ZNF594: variants seen among roughly 807,000 people sequenced by gnomAD.
ZNF594 encodes zinc finger protein 594.
For missense variants in ZNF594, 1,037 were observed against 964.6 expected (o/e 1.08, Z -0.99); for synonymous variants, 336 against 309.4 (o/e 1.09, Z -0.90).
chr17:5,175,664 T>C (rs1234467656), downstream of ZNF594, among the ~76,000 whole-genome samples: 1 of 152,116 alleles, frequency 6.6e-6, no homozygotes, highest in Non-Finnish European at 1.5e-5. Context: ...ACAGTCATTT[T>C]TGTGCAGATC....
Position 5,184,287 on chromosome 17 carries a change from AAGT to A in ZNF594, c.-20-14_-20-12del. ...TCCTGTCTTCAGAATCTGAAATGAT[AAGT>A]AGATCATTCTATAATTCCTAAAATA... On this transcript the variant is annotated splice_polypyrimidine_tract_variant and intron_variant, in intron 1 of 1. Coordinates refer to ENST00000575779, the MANE Select transcript of ZNF594 (RefSeq NM_032530.2). 6.3e-7 allele frequency: 1 copy of A among 1,587,878 alleles called. No individual in the cohort carries two copies. Among genetic ancestry groups the A allele is most frequent in the South Asian group, 1.2e-5 (1 of 86,820 alleles).
In ZNF594 at chr17:5,182,507, T is replaced by C. The variant is rs1351249462; in HGVS notation, c.1750A>G (p.Ile584Val). 1 of 1,614,140 alleles carries C rather than the reference T, an allele frequency of 6.2e-7. No individual in the cohort carries two copies. Among genetic ancestry groups the C allele is most frequent in the Non-Finnish European group, 8.5e-7 (1 of 1,180,018 alleles). Residue 584 changes from isoleucine to valine, a missense_variant, in exon 2 of 2, where the codon ATC becomes GTC. Ile to Val is a conservative substitution (Grantham distance 29). Transcript: ENST00000575779. ...CTTGTATGAGTTACCTGATGTCTGA[T>C]GAGGTCTGAGCTGCCCTGGAAAGCC... ...GRAFQGSSDL[I>V]RHQVTHTREK...
In ZNF594 at chr17:5,183,837, TGAA is replaced by T; in HGVS notation, c.417_419del (p.Ser139_Ser140delinsArg). 1 of 1,614,048 alleles carries T rather than the reference TGAA, an allele frequency of 6.2e-7. No homozygotes were observed. Among genetic ancestry groups the T allele is most frequent in the South Asian group, 1.1e-5 (1 of 91,030 alleles). On this transcript the variant is annotated inframe_deletion, in exon 2 of 2. Transcript: ENST00000575779. ...GAATTCTCTGATGTATGATCAGGTT[TGAA>T]CTCCTGTTGAAGGTTTTTTCACATT...
rs2074353906 is a variant in ZNF594, at chr17:5,182,698, T to C, written c.1559A>G (p.Glu520Gly). Reference protein sequence around the residue: ...HSGEKPYECKECGKLFIWRTA... With the variant: ...HSGEKPYECKGCGKLFIWRTA... ...GCGCCAAATGAAGAGCTTCCCACAT[T>C]CCTTACATTCATAGGGTTTCTCACC... is the stretch of plus-strand genomic sequence containing the variant. The change falls in exon 2 of 2, where the codon GAA (glutamate) becomes GGA (glycine). Residue 520 changes from glutamate (E) to glycine (G), a missense_variant. Glu to Gly is a moderately conservative substitution (Grantham distance 98). Transcript: ENST00000575779. The C allele has an allele frequency of 6.2e-7, 1 of 1,613,848 alleles. No individual in the cohort carries two copies. The highest frequency in any genetic ancestry group is 1.1e-5 in the South Asian group (1 of 91,064).
In ZNF594 at chr17:5,179,764, A is replaced by C. The variant is rs1052677931; in HGVS notation, c.*2069T>G. Reference sequence around the variant, plus strand: ...AATAAAAAGACTAATGAAAATGGTAAATTATTTGCTTTGGGCTGGAATTTT... The same window carrying C: ...AATAAAAAGACTAATGAAAATGGTACATTATTTGCTTTGGGCTGGAATTTT... On this transcript the variant is annotated 3_prime_UTR_variant, in exon 2 of 2. Transcript: ENST00000575779. 1.3e-5 allele frequency: 2 copies of C among 152,096 alleles called. No homozygotes were observed. The highest frequency in any genetic ancestry group is 4.8e-5 in the African/African-American group (2 of 41,420). 9.4% of individuals were successfully genotyped at this position (152,096 alleles called of 1,614,324 possible). A position where few individuals can be genotyped will look rare whatever the true frequency, so the allele number is the denominator to read the frequency against.
In ZNF594 at chr17:5,181,038, G is replaced by T; in HGVS notation, c.*795C>A. 1 of 1,022,628 alleles carries T rather than the reference G, an allele frequency of 9.8e-7. No individual in the cohort carries two copies. The highest frequency in any genetic ancestry group is 1.5e-6 in the Non-Finnish European group (1 of 660,808). The allele number at this position is 1,022,628 out of a possible 1,614,324, so 63.3% of individuals were successfully genotyped here. On this transcript the variant is annotated 3_prime_UTR_variant, in exon 2 of 2. Coordinates refer to ENST00000575779, the MANE Select transcript of ZNF594 (RefSeq NM_032530.2). ...AAGAAAAGCTGTCCACCCACTGAAG[G>T]CCTTACCACAGTTGCTACATTCAAA...
rs959596498 is a variant in ZNF594, at chr17:5,180,947, A to T, written c.*886T>A. The T allele has an allele frequency of 4.4e-6, 3 of 685,552 alleles. No homozygotes were observed. The Admixed American group carries it at 6.1e-5, about 14-fold the overall frequency. The allele number at this position is 685,552 out of a possible 1,614,324, so 42.5% of individuals were successfully genotyped here. ...TCATTAGGTTTCTGCTACCTATTAG[A>T]ATAGGTCCTGTTTGTAGACTCTTAC... On this transcript the variant is annotated 3_prime_UTR_variant, in exon 2 of 2. Coordinates refer to ENST00000575779, the MANE Select transcript of ZNF594 (RefSeq NM_032530.2).
chr17:5,187,940 C>T (rs2074396516), intron 1 of ZNF594, among the ~76,000 whole-genome samples: 1 of 135,470 alleles, frequency 7.4e-6, no homozygotes, highest in Admixed American at 8.1e-5. Flanking sequence ...CCAGGCTGGT[C>T]TCACACTCCT....
intron 1 of ZNF594, chr17:5,184,507 G>T (rs1242847320): frequency 4.5e-6 from 2 of 446,212 alleles, no homozygotes; most frequent in East Asian, 7.7e-5. Flanking sequence ...CTGTGGGAGT[G>T]GCCTAAAGGG....
rs779905759 is a variant in ZNF594 at position 5,182,785 on chromosome 17, G to C, written c.1472C>G (p.Thr491Ser). Residue 491 changes from threonine (T) to serine (S), a missense_variant, in exon 2 of 2, where the codon ACT becomes AGT. Coordinates refer to ENST00000575779, the MANE Select transcript of ZNF594 (RefSeq NM_032530.2). ...CCGCCTGAAGGCTTTCCCACATTCA[G>C]TGCACTGATAGGGCTTCTCTCCAGT... ...IHTGEKPYQC[T>S]ECGKAFRRRS... The C allele has an allele frequency of 1.2e-6, 2 of 1,613,722 alleles. No individual in the cohort carries two copies. Among genetic ancestry groups the C allele is most frequent in the South Asian group, 1.1e-5 (1 of 91,032 alleles).
In ZNF594 at chr17:5,181,500, T is replaced by C. The variant is rs769161614; in HGVS notation, c.*333A>G. 1.2e-6 allele frequency: 2 copies of C among 1,613,900 alleles called. No homozygotes were observed. The highest frequency in any genetic ancestry group is 2.2e-5 in the South Asian group (2 of 91,056). ...AAGTTTCTCTCCAGCATGCAGTCTC[T>C]GATGTTTGAGGAAAGCTGTGTGCCA... On this transcript the variant is annotated 3_prime_UTR_variant, in exon 2 of 2. Transcript: ENST00000575779.
In ZNF594 at chr17:5,182,780, A is replaced by G; in HGVS notation, c.1477T>C (p.Cys493Arg). The part of the protein sequence containing the change: ...TGEKPYQCTE[C>R]GKAFRRRSLL... Reference sequence around the variant, plus strand: ...GAACGCCGCCTGAAGGCTTTCCCACATTCAGTGCACTGATAGGGCTTCTCT... The same window carrying G: ...GAACGCCGCCTGAAGGCTTTCCCACGTTCAGTGCACTGATAGGGCTTCTCT... Residue 493 changes from cysteine to arginine, a missense_variant, in exon 2 of 2, where the codon TGT becomes CGT. Cys to Arg is a radical substitution (Grantham distance 180). Transcript: ENST00000575779. 1 of 1,614,126 alleles carries G rather than the reference A, an allele frequency of 6.2e-7. No homozygotes were observed.
In ZNF594 at chr17:5,183,979, G is replaced by GA; in HGVS notation, c.277dup (p.Ser93PhefsTer8). The stretch of plus-strand genomic sequence containing the variant: ...ATATCTATGGGAGCTTTCTCCTGCA[G>GA]AAAGTATTTTTTCTCCTTCATTACA... On this transcript the variant is annotated frameshift_variant, in exon 2 of 2. Transcript: ENST00000575779. LOFTEE classifies it low-confidence loss of function (END_TRUNC). The GA allele has an allele frequency of 6.2e-7, 1 of 1,614,094 alleles. No homozygotes were observed. The highest frequency in any genetic ancestry group is 8.5e-7 in the Non-Finnish European group (1 of 1,180,030).
intron 1 of ZNF594, among the ~76,000 whole-genome samples, chr17:5,187,565 G>A (rs2074393472): frequency 6.6e-6 from 1 of 152,276 alleles, no homozygotes; most frequent in Non-Finnish European, 1.5e-5. Context: ...ATGGCACAGT[G>A]ATTAACAGCA....
Position 5,182,423 on chromosome 17 carries a change from G to C in ZNF594, c.1834C>G (p.Leu612Val), listed in dbSNP as rs1444540273. ...GKTFNQSSDL[L>V]RHHRIHSGEK... is the part of the protein sequence containing the mutation. ...CCACTGTGAATTCTATGATGTCTCA[G>C]AAGGTCTGAGCTCTGATTGAAAGTT... is the stretch of plus-strand genomic sequence containing the variant. Residue 612 changes from leucine (L) to valine (V), a missense_variant, in exon 2 of 2, where the codon CTG (leucine) becomes GTG (valine). Transcript: ENST00000575779. 6.2e-7 allele frequency: 1 copy of C among 1,613,540 alleles called. No individual in the cohort carries two copies. The highest frequency in any genetic ancestry group is 8.5e-7 in the Non-Finnish European group (1 of 1,179,976).
downstream of ZNF594, chr17:5,174,961 C>T (rs1476419967): frequency 1.1e-5 from 2 of 188,504 alleles, no homozygotes; most frequent in African/African-American, 2.3e-5. Context: ...TAACTATTAT[C>T]CAAACAAATT....
downstream of ZNF594, among the ~76,000 whole-genome samples, chr17:5,177,886 A>G (rs2074316528): frequency 6.6e-6 from 1 of 152,148 alleles, no homozygotes; most frequent in Non-Finnish European, 1.5e-5. Flanking sequence ...CAGAAATAAC[A>G]TAAAACAAGA....
intron 1 of ZNF594, chr17:5,191,352 TCCTGTGGCTTAGTCTAGCCTC>T (rs2074422992): frequency 6.6e-6 from 1 of 152,210 alleles, no homozygotes; most frequent in Admixed American, 6.5e-5. Context: ...TACAGTTCAT[TCCTGTGGCTTAGTCTAGCCTC>T]CCCAGCGGGG....
Position 5,184,240 on chromosome 17 carries a change from G to T in ZNF594, c.17C>A (p.Ser6Ter). The part of the protein sequence containing the change: MKEWK[S>*]KMEISEEKKS... ...CTTTTCTTCAGAAATTTCCATCTTT[G>T]ATTTCCATTCCTTCATCTTATTCCT... Residue 6 changes from serine (S) to a stop codon, truncating the protein, a stop_gained, in exon 2 of 2, where the codon TCA (serine) becomes TAA (stop). Coordinates refer to ENST00000575779, the MANE Select transcript of ZNF594 (RefSeq NM_032530.2). LOFTEE classifies it low-confidence loss of function (END_TRUNC). 1 of 1,612,472 alleles carries T rather than the reference G, an allele frequency of 6.2e-7. No homozygotes were observed. The highest frequency in any genetic ancestry group is 8.5e-7 in the Non-Finnish European group (1 of 1,179,542).
Sources: gnomAD v4.1 joint callset for allele counts (sites outside exome capture counted in the v4.1 genomes callset) on GRCh38, gnomAD v4.1.1 for gene constraint, MANE v1.5 for transcripts, NCBI Gene and HGNC (gene_info 2026-07-23, HGNC 2026-07-21) for gene names.